The following TSPEAR variants were observed in gnomAD, a reference collection of about 807,000 sequenced individuals.
The protein encoded by TSPEAR is thrombospondin-type laminin G domain and EAR repeat-containing protein.
In TSPEAR, 69 loss-of-function variants were observed where a neutral mutation model predicts 71.6. That is an observed-to-expected ratio of 0.96 (90% CI 0.79 to 1.18). The LOEUF (loss-of-function observed/expected upper bound fraction) is 1.18. Ranked by LOEUF, TSPEAR falls within the 50% of genes most tolerant of loss-of-function variation. The pLI is 0.00. For synonymous variants in TSPEAR, 402 were observed against 387.2 expected, an observed-to-expected ratio of 1.04 and a Z score of -0.45; for missense variants, 971 against 894.9, an observed-to-expected ratio of 1.09 and a Z score of -1.09.
chr21:44,628,035 G>A lies in TSPEAR; in HGVS notation c.83-60030C>T, dbSNP rs115379739. 2.1e-3 allele frequency: 3,366 copies of A among 1,612,782 alleles called. 68 individuals carry two copies. In the African/African-American group the frequency reaches 0.039, roughly 19 times the overall value. ...CCTGCTACAGCTTCTCCTCAGGCCA[G>A]AAGTCCAGCTGCTGACGGTCATGTC... On this transcript the variant is annotated intron_variant, in intron 1 of 11. Coordinates refer to ENST00000323084, the MANE Select transcript of TSPEAR (RefSeq NM_144991.3).
At chr21:44,574,939 C>A (rs782796537) in intron 1 of TSPEAR, 2 of 1,605,796 alleles carry the variant, frequency 1.2e-6, no homozygotes, top group South Asian at 2.2e-5. Flanking sequence ...TGCTGCCGCC[C>A]AGCCTCCTGC....
chr21:44,676,685 G>A lies in TSPEAR; in HGVS notation c.82+34748C>T. ...AAGTGATCAGTGTGGGCAGCTGCCT[G>A]TCAGTGAAGCTAGGTTCTCATTTCA... On this transcript the variant is annotated intron_variant, in intron 1 of 11. Coordinates refer to ENST00000323084, the MANE Select transcript of TSPEAR (RefSeq NM_144991.3). 5.2e-6 allele frequency: 4 copies of A among 771,398 alleles called. No homozygotes were observed. In the South Asian group the frequency reaches 5.4e-5, roughly 10 times the overall value. 47.8% of individuals were successfully genotyped at this position (771,398 alleles called of 1,614,324 possible). A position where few individuals can be genotyped will look rare whatever the true frequency, so the allele number is the denominator to read the frequency against.
intron 2 of TSPEAR, chr21:44,538,974 AAG>A (rs1293913092): frequency 5.9e-6 from 3 of 507,294 alleles, no homozygotes; most frequent in African/African-American, 5.7e-5. Flanking sequence ...CACAACAGAA[AAG>A]AGAATCAGGT....
chr21:44,678,037 C>T (rs139979780), intron 1 of TSPEAR: 1 of 762,114 alleles, frequency 1.3e-6, no homozygotes, highest in Admixed American at 2.0e-5. Flanking sequence ...CCCATAGAGA[C>T]AACTCTGGGC....
At chr21:44,701,474 A>G (rs1555951521) in intron 1 of TSPEAR, among the ~76,000 whole-genome samples, 1 of 152,152 alleles carries the variant, frequency 6.6e-6, no homozygotes, top group Non-Finnish European at 1.5e-5. Flanking sequence ...CCATTATTAC[A>G]TTGTAATTTA....
intron 4 of TSPEAR, among the ~76,000 whole-genome samples, chr21:44,530,477 ATCCAT>A (rs2052947048): frequency 6.6e-6 from 1 of 151,126 alleles, no homozygotes; most frequent in South Asian, 2.1e-4. Flanking sequence ...CCCTCCATCC[ATCCAT>A]TCATCTTTCT....
intron 1 of TSPEAR, among the ~76,000 whole-genome samples, chr21:44,649,943 G>A (rs1195262750): frequency 6.6e-6 from 1 of 152,184 alleles, no homozygotes; most frequent in Non-Finnish European, 1.5e-5. Flanking sequence ...AGACATGTTG[G>A]TCCAGACGTG....
intron 2 of TSPEAR, among the ~76,000 whole-genome samples, chr21:44,545,354 A>G (rs587682910): frequency 3.9e-4 from 60 of 152,252 alleles, no homozygotes; most frequent in Non-Finnish European, 6.2e-4. Flanking sequence ...TTAAAAAAAA[A>G]AGAATTAAAT....
intron 1 of TSPEAR, chr21:44,677,687 T>A (rs781907112): frequency 6.6e-5 from 93 of 1,416,132 alleles, no homozygotes; most frequent in Non-Finnish European, 8.4e-5. Flanking sequence ...CTGGAGTATC[T>A]CCCTTTTGTT....
At chr21:44,637,466 TG>T in intron 1 of TSPEAR, 1 of 1,613,148 alleles carries the variant, frequency 6.2e-7, no homozygotes, top group Non-Finnish European at 8.5e-7. Context: ...CACTGACTCT[TG>T]GCGGGTAGTC....
At chr21:44,688,583 G>A (rs756189855) in intron 1 of TSPEAR, among the ~76,000 whole-genome samples, 45 of 152,192 alleles carry the variant, frequency 3.0e-4, no homozygotes, top group Non-Finnish European at 5.3e-4. Context: ...AGCCGGGTAT[G>A]GTGGCGGGCG....
At chr21:44,512,775 G>A (rs782643021) in intron 9 of TSPEAR, among the ~76,000 whole-genome samples, 5 of 151,732 alleles carry the variant, frequency 3.3e-5, no homozygotes, top group African/African-American at 7.3e-5. Context: ...GGAAGAGCAC[G>A]TGTCAGCTGT....
At chr21:44,650,494 G>T (rs141765305) in intron 1 of TSPEAR, among the ~76,000 whole-genome samples, 1 of 152,398 alleles carries the variant, frequency 6.6e-6, no homozygotes, top group Non-Finnish European at 1.5e-5. Context: ...CAGAGATTGG[G>T]CAATGCCCCT....
At chr21:44,615,578 T>TTTTG (rs2047052293) in intron 1 of TSPEAR, among the ~76,000 whole-genome samples, 3 of 148,616 alleles carry the variant, frequency 2.0e-5, no homozygotes, top group Non-Finnish European at 3.0e-5. Context: ...ATTTATTCTG[T>TTTTG]TTTTTTGGAA....
chr21:44,533,980 G>A, intron 2 of TSPEAR, 57 bp from the exon 3 acceptor site: 2 of 1,302,370 alleles, frequency 1.5e-6, no homozygotes, highest in Non-Finnish European at 2.2e-6. Context: ...GGGTGCGGGG[G>A]CAGGGCAGAT....
At position 44,624,833 on chromosome 21, in the gene TSPEAR, G is replaced by A. The variant is rs587666612; in HGVS notation, c.83-56828C>T. Among the ~76,000 whole-genome samples the A allele has an allele frequency of 2.6e-5, 4 of 152,314 alleles. No individual in the cohort carries two copies. The East Asian group carries it at 7.7e-4, about 29-fold the overall frequency. ...GTAAATGCCTCAATAAGAAAATCCAGAAGAAATATTAGACTCACTTCTGTG... is the reference window on the plus strand; with the variant it reads ...GTAAATGCCTCAATAAGAAAATCCAAAAGAAATATTAGACTCACTTCTGTG... On this transcript the variant is annotated intron_variant, in intron 1 of 11. Coordinates refer to ENST00000323084, the MANE Select transcript of TSPEAR (RefSeq NM_144991.3).
rs377582744 is a variant in TSPEAR at position 44,660,424 on chromosome 21, T to C, written c.82+51009A>G. On this transcript the variant is annotated intron_variant, in intron 1 of 11. Coordinates refer to ENST00000323084, the MANE Select transcript of TSPEAR (RefSeq NM_144991.3). ...CAGACTACGAGCATAAGGACAAAGG[T>C]AGAGTTTACATCAGACTTCTAATCA... 3.3e-5 allele frequency among the ~76,000 whole-genome samples: 5 copies of C among 152,264 alleles called. 1 individual carries two copies.
At chr21:44,705,428 A>T (rs1287671170) in intron 1 of TSPEAR, among the ~76,000 whole-genome samples, 1 of 152,274 alleles carries the variant, frequency 6.6e-6, no homozygotes, top group Non-Finnish European at 1.5e-5. Flanking sequence ...CTTAAACTCT[A>T]ACCGCCGGTG....
At chr21:44,697,801 C>T in intron 1 of TSPEAR, 2 of 1,613,752 alleles carry the variant, frequency 1.2e-6, no homozygotes, top group Non-Finnish European at 1.7e-6. Flanking sequence ...TCCTCTGCCG[C>T]CCTGTGTGCA....
Sources: allele counts gnomAD v4.1 joint callset (sites outside exome capture counted in the v4.1 genomes callset), GRCh38; gene constraint gnomAD v4.1.1; transcripts MANE v1.5; gene names NCBI Gene and HGNC (gene_info 2026-07-23, HGNC 2026-07-21).